Variants in TNPO1 observed in about 807,000 individuals in gnomAD.
The protein encoded by TNPO1 is transportin 1.
TNPO1 carries 8 observed loss-of-function variants against 119.5 expected under a neutral mutation model. That is an observed-to-expected ratio of 0.07 (90% CI 0.04 to 0.12). The LOEUF (loss-of-function observed/expected upper bound fraction) is 0.12, where lower values mean the gene tolerates loss of function less well. Ranked by LOEUF, TNPO1 falls within the 10% of genes least tolerant of loss-of-function variation. The pLI is 1.00. For synonymous variants in TNPO1, 362 were observed against 363.0 expected (o/e 1.00, Z 0.03); for missense variants, 576 against 1,089.8 (o/e 0.53, Z 6.64).
At chr5:72,816,945 C>T (rs553032163) in intron 1 of TNPO1, 193 bp downstream of exon 1, 2 of 583,316 alleles carry the variant, frequency 3.4e-6, no homozygotes, top group African/African-American at 2.0e-5. Context: ...AGGCGCCCTG[C>T]GGGACCCGGG....
chr5:72,866,928 G>T (rs1046058731), intron 6 of TNPO1, among the ~76,000 whole-genome samples: 1 of 151,832 alleles, frequency 6.6e-6, no homozygotes. Flanking sequence ...AAATCACAGC[G>T]CTTTGGGAGG....
chr5:72,852,146 CTT>C (rs1745629082), intron 3 of TNPO1, among the ~76,000 whole-genome samples: 1 of 152,080 alleles, frequency 6.6e-6, no homozygotes, highest in South Asian at 2.1e-4. Flanking sequence ...ACTTTTGTAA[CTT>C]TTTAAAAAAC....
chr5:72,848,362 C>T, intron 1 of TNPO1, 23 bp from the exon 2 acceptor site: 1 of 1,605,840 alleles, frequency 6.2e-7, no homozygotes, highest in Non-Finnish European at 8.5e-7. Flanking sequence ...TCCGTCTCTT[C>T]CTGTGTCTGG....
chr5:72,889,208 A>G (rs1187153604), intron 13 of TNPO1, among the ~76,000 whole-genome samples: 1 of 151,960 alleles, frequency 6.6e-6, no homozygotes, highest in African/African-American at 2.4e-5. Context: ...CAGGTGTGCG[A>G]CACCATGCCC....
chr5:72,834,136 C>T (rs955058566), intron 1 of TNPO1, among the ~76,000 whole-genome samples: 2 of 151,900 alleles, frequency 1.3e-5, no homozygotes, highest in East Asian at 1.9e-4. Flanking sequence ...CATATGTCTG[C>T]GGTGGCCCTG....
intron 9 of TNPO1, among the ~76,000 whole-genome samples, chr5:72,882,110 T>C (rs1021698630): frequency 7.9e-5 from 12 of 152,180 alleles, no homozygotes; most frequent in African/African-American, 2.9e-4. Flanking sequence ...GCAAAATACC[T>C]GTATCTTACA....
intron 20 of TNPO1, among the ~76,000 whole-genome samples, chr5:72,897,817 CT>C (rs1174491559): frequency 1.3e-5 from 2 of 151,844 alleles, no homozygotes. Context: ...AGGCACATTC[CT>C]TTCTTTACAT....
chr5:72,852,940 TTG>T (rs1328368096), intron 3 of TNPO1, among the ~76,000 whole-genome samples: 1 of 152,234 alleles, frequency 6.6e-6, no homozygotes, highest in East Asian at 1.9e-4. Context: ...ATCAACCTGT[TTG>T]TTTCTTATAC....
intron 6 of TNPO1, among the ~76,000 whole-genome samples, chr5:72,869,946 G>A (rs1042292109): frequency 6.6e-6 from 1 of 152,080 alleles, no homozygotes; most frequent in Admixed American, 6.5e-5. Context: ...AGCATTCCAA[G>A]TTTATCATCT....
At chr5:72,891,291 C>T (rs538878011) in intron 14 of TNPO1, among the ~76,000 whole-genome samples, 9 of 152,120 alleles carry the variant, frequency 5.9e-5, no homozygotes, top group Admixed American at 5.2e-4. Flanking sequence ...ACGGTGAAAC[C>T]CTGTCTCTTT....
intron 1 of TNPO1, among the ~76,000 whole-genome samples, chr5:72,829,102 A>C (rs1050217255): frequency 6.6e-6 from 1 of 152,174 alleles, no homozygotes; most frequent in African/African-American, 2.4e-5. Flanking sequence ...TTTCAAAAAG[A>C]GTTTGTTTCA....
intron 3 of TNPO1, among the ~76,000 whole-genome samples, chr5:72,854,541 G>A (rs1745833448): frequency 6.6e-6 from 1 of 152,110 alleles, no homozygotes; most frequent in African/African-American, 2.4e-5. Flanking sequence ...TTTGAGTGGG[G>A]GTAATACTGA....
chr5:72,860,281 C>CT (rs1746335396), intron 4 of TNPO1, among the ~76,000 whole-genome samples: 1 of 151,992 alleles, frequency 6.6e-6, no homozygotes, highest in Non-Finnish European at 1.5e-5. Flanking sequence ...GAAGAGTTTT[C>CT]TTTTTTCATT....
chr5:72,892,579 TTCCAGGAC>T (rs1749141111), intron 15 of TNPO1, among the ~76,000 whole-genome samples: 1 of 152,168 alleles, frequency 6.6e-6, no homozygotes, highest in African/African-American at 2.4e-5. Flanking sequence ...AGGGGATTGT[TTCCAGGAC>T]TCCCCTTGGA....
At chr5:72,900,903 T>TA (rs1387541752) in intron 21 of TNPO1, 71 bp from the exon 22 acceptor site, 1 of 998,994 alleles carries the variant, frequency 1.0e-6, no homozygotes, top group Non-Finnish European at 1.5e-6. Context: ...TTCCATTAAA[T>TA]ACTGTCCATT....
At chr5:72,843,364 C>T (rs200943778) in intron 1 of TNPO1, among the ~76,000 whole-genome samples, 4 of 152,034 alleles carry the variant, frequency 2.6e-5, no homozygotes, top group African/African-American at 7.2e-5. Flanking sequence ...GAGGCTGAGG[C>T]GGGCAGATCA....
At chr5:72,820,536 CATTT>C (rs1561288065) in intron 1 of TNPO1, among the ~76,000 whole-genome samples, 1 of 152,080 alleles carries the variant, frequency 6.6e-6, no homozygotes, top group Non-Finnish European at 1.5e-5. Context: ...ACATTTTTCT[CATTT>C]ATTATGTTGG....
At chr5:72,866,324 A>T (rs995542251) in intron 6 of TNPO1, among the ~76,000 whole-genome samples, 1 of 152,186 alleles carries the variant, frequency 6.6e-6, no homozygotes, top group Non-Finnish European at 1.5e-5. Context: ...ACAACATTAT[A>T]ATAATGTTGT....
At chr5:72,821,100 A>T (rs1743937385) in intron 1 of TNPO1, among the ~76,000 whole-genome samples, 1 of 152,236 alleles carries the variant, frequency 6.6e-6, no homozygotes, top group Non-Finnish European at 1.5e-5. Flanking sequence ...TGAAGGTTTT[A>T]CTGGGGAAAC....
Sources: allele counts gnomAD v4.1 joint callset (sites outside exome capture counted in the v4.1 genomes callset), GRCh38; gene constraint gnomAD v4.1.1; transcripts MANE v1.5; gene names NCBI Gene and HGNC (gene_info 2026-07-23, HGNC 2026-07-21).